KCNMA1: variants seen among roughly 807,000 people sequenced by gnomAD.
KCNMA1 encodes Calcium-activated potassium channel subunit alpha-1.
Under a neutral mutation model 140.0 loss-of-function variants are expected in KCNMA1, and 29 were observed. The observed-to-expected ratio is 0.21, with a 90% CI of 0.15 to 0.28. The LOEUF (loss-of-function observed/expected upper bound fraction) is 0.28. Ranked by LOEUF, KCNMA1 falls within the 10% of genes least tolerant of loss-of-function variation. KCNMA1 has a pLI of 1.00. For synonymous variants in KCNMA1, 612 were observed against 611.9 expected (o/e 1.00, Z 0.00); for missense variants, 880 against 1,602.2 (o/e 0.55, Z 7.70).
At chr10:77,440,462 G>A (rs1281205313) in intron 1 of KCNMA1, among the ~76,000 whole-genome samples, 1 of 152,228 alleles carries the variant, frequency 6.6e-6, no homozygotes, top group Admixed American at 6.5e-5. Flanking sequence ...ACAAAACGCT[G>A]CTTGCTAGAG....
chr10:77,338,439 T>G (rs2089931409), intron 2 of KCNMA1, among the ~76,000 whole-genome samples: 1 of 152,174 alleles, frequency 6.6e-6, no homozygotes, highest in Non-Finnish European at 1.5e-5. Flanking sequence ...CCTCCATCTC[T>G]CTCAGCTCTC....
Position 76,909,951 on chromosome 10 carries a change from A to G in KCNMA1, c.3147+15T>C, listed in dbSNP as rs145048715. 153 of 1,612,560 alleles carry G rather than the reference A, an allele frequency of 9.5e-5. 1 individual carries two copies. The African/African-American group carries it at 1.5e-3, about 16-fold the overall frequency. On this transcript the variant is annotated intron_variant, in intron 25 of 27. Transcript: ENST00000286628. The stretch of plus-strand genomic sequence containing the variant: ...CTCCACCCTTGAGTGAGGAGGAGGG[A>G]ACAGGATAACTCACCGCGCTCATGA...
chr10:76,946,179 C>T (rs1417056402), intron 22 of KCNMA1, among the ~76,000 whole-genome samples: 4 of 152,126 alleles, frequency 2.6e-5, no homozygotes, highest in Non-Finnish European at 4.4e-5. Flanking sequence ...GGGCCATGGC[C>T]TCCACATGCT....
At chr10:77,408,396 G>C (rs2096537792) in intron 1 of KCNMA1, among the ~76,000 whole-genome samples, 1 of 152,144 alleles carries the variant, frequency 6.6e-6, no homozygotes, top group African/African-American at 2.4e-5. Context: ...ACACATGTGT[G>C]TGTGCATGTG....
At chr10:77,520,557 A>G (rs2053016978) in intron 1 of KCNMA1, among the ~76,000 whole-genome samples, 1 of 152,020 alleles carries the variant, frequency 6.6e-6, no homozygotes, top group Non-Finnish European at 1.5e-5. Flanking sequence ...ATGTAACTAC[A>G]TCTTAATTAG....
At chr10:77,537,844 T>G (rs910470769) in intron 1 of KCNMA1, among the ~76,000 whole-genome samples, 1 of 152,040 alleles carries the variant, frequency 6.6e-6, no homozygotes, top group African/African-American at 2.4e-5. Flanking sequence ...CCGGCGCACA[T>G]TCTTCCTGGC....
intron 9 of KCNMA1, among the ~76,000 whole-genome samples, chr10:77,103,857 A>T (rs1220944169): frequency 6.6e-6 from 1 of 152,150 alleles, no homozygotes; most frequent in Non-Finnish European, 1.5e-5. Context: ...GACAGCCCCA[A>T]AGTGAAGCTC....
intron 7 of KCNMA1, 118 bp downstream of exon 7, chr10:77,112,249 C>T: frequency 2.6e-6 from 2 of 762,650 alleles, no homozygotes; most frequent in Non-Finnish European, 2.3e-6. Flanking sequence ...TTCCCATCTT[C>T]CTGTCTACAA....
intron 1 of KCNMA1, among the ~76,000 whole-genome samples, chr10:77,407,339 CATT>C (rs968068136): frequency 2.6e-5 from 4 of 152,138 alleles, no homozygotes; most frequent in African/African-American, 9.7e-5. Flanking sequence ...GGGGAGCAGG[CATT>C]ATAACTCCAT....
intron 1 of KCNMA1, among the ~76,000 whole-genome samples, chr10:77,431,619 C>T (rs1288402385): frequency 7.1e-6 from 1 of 139,872 alleles, no homozygotes; most frequent in African/African-American, 2.7e-5. Context: ...AGGGCAGCTG[C>T]AACACAAATG....
At chr10:77,180,998 G>A (rs574670018) in intron 5 of KCNMA1, among the ~76,000 whole-genome samples, 1 of 152,220 alleles carries the variant, frequency 6.6e-6, no homozygotes, top group African/African-American at 2.4e-5. Context: ...ATGCTTCAGG[G>A]AACGTGTCAC....
chr10:77,333,633 A>C (rs1566043071), intron 2 of KCNMA1, among the ~76,000 whole-genome samples: 1 of 152,198 alleles, frequency 6.6e-6, no homozygotes, highest in African/African-American at 2.4e-5. Context: ...AATAATAACT[A>C]GAACTTCATA....
chr10:77,447,092 T>G (rs2097543479), intron 1 of KCNMA1, among the ~76,000 whole-genome samples: 1 of 152,220 alleles, frequency 6.6e-6, no homozygotes, highest in South Asian at 2.1e-4. Flanking sequence ...AGCTGTCGGT[T>G]CCTTCAGGCT....
intron 20 of KCNMA1, among the ~76,000 whole-genome samples, chr10:76,956,306 T>TAA: frequency 6.6e-6 from 1 of 152,286 alleles, no homozygotes; most frequent in Admixed American, 6.5e-5. Flanking sequence ...AAACCAGGCA[T>TAA]AATTTCACAC....
At chr10:76,914,255 G>T in intron 24 of KCNMA1, 1 of 745,962 alleles carries the variant, frequency 1.3e-6, no homozygotes, top group Non-Finnish European at 2.3e-6. Flanking sequence ...CGGACCACAG[G>T]TAGTTTGCAT....
intron 2 of KCNMA1, among the ~76,000 whole-genome samples, chr10:77,346,249 T>C (rs528773858): frequency 6.6e-6 from 1 of 152,258 alleles, no homozygotes; most frequent in Non-Finnish European, 1.5e-5. Flanking sequence ...TGCTTTCATG[T>C]TTGAGAAACA....
intron 1 of KCNMA1, among the ~76,000 whole-genome samples, chr10:77,554,553 C>T (rs572640747): frequency 1.5e-5 from 2 of 131,244 alleles, no homozygotes; most frequent in African/African-American, 2.9e-5. Flanking sequence ...GCCGAGATTG[C>T]ACCACTGCAC....
intron 2 of KCNMA1, among the ~76,000 whole-genome samples, chr10:77,269,567 C>G (rs2064395833): frequency 6.6e-6 from 1 of 152,116 alleles, no homozygotes; most frequent in African/African-American, 2.4e-5. Flanking sequence ...TGGGGAAGAC[C>G]AGGTATCAGT....
intron 3 of KCNMA1, among the ~76,000 whole-genome samples, chr10:77,198,215 C>A (rs1055230909): frequency 1.3e-5 from 2 of 152,036 alleles, no homozygotes; most frequent in Non-Finnish European, 2.9e-5. Context: ...AGAGCTGAAG[C>A]GGGTCAGATA....
Sources: gnomAD v4.1 joint callset for allele counts (sites outside exome capture counted in the v4.1 genomes callset) on GRCh38, gnomAD v4.1.1 for gene constraint, MANE v1.5 for transcripts, NCBI Gene and HGNC (gene_info 2026-07-23, HGNC 2026-07-21) for gene names.